OTOG: variants seen among roughly 807,000 people sequenced by gnomAD.
OTOG encodes the protein otogelin.
A neutral mutation model predicts 313.8 loss-of-function variants in OTOG; 296 were observed. That is an observed-to-expected ratio of 0.94 (90% CI 0.86 to 1.04). OTOG has a LOEUF of 1.04. OTOG is among the 50% of genes least tolerant of loss of function. The probability of loss-of-function intolerance (pLI) is 0.00; values close to 1 mark genes in which losing one functional copy is unlikely to be tolerated. For missense variants in OTOG, 3,948 were observed against 3,840.1 expected (o/e 1.03, Z -0.74); for synonymous variants, 1,533 against 1,554.9 (o/e 0.99, Z 0.33).
At chr11:17,614,257 C>T (rs1324057830) in intron 39 of OTOG, among the ~76,000 whole-genome samples, 1 of 141,326 alleles carries the variant, frequency 7.1e-6, no homozygotes, top group Non-Finnish European at 1.6e-5. Context: ...TGTGAGTCTG[C>T]CCCCAATTCC....
Position 17,601,839 on chromosome 11 carries a change from C to T in OTOG, c.3710-371C>T, listed in dbSNP as rs1590033742. Among the ~76,000 whole-genome samples, 4 of 152,310 alleles carry T rather than the reference C, an allele frequency of 2.6e-5. 1 individual carries two copies. The highest frequency in any genetic ancestry group is 2.1e-4 in the South Asian group (1 of 4,822). ...TGGGGTGGGCAGAAACCGGGTCTGA[C>T]GTCTTCTTCCAGAGGGGACCTTGAA... On this transcript the variant is annotated intron_variant, in intron 31 of 55. Transcript: ENST00000399397.
At chr11:17,626,829 C>G (rs895562921) in intron 39 of OTOG, among the ~76,000 whole-genome samples, 2 of 150,916 alleles carry the variant, frequency 1.3e-5, no homozygotes, top group Non-Finnish European at 3.0e-5. Flanking sequence ...AAAGCTCTTT[C>G]ACTTCTTTGG....
chr11:17,641,115 TG>T, intron 51 of OTOG, 24 bp downstream of exon 51: 3 of 65,716 alleles, frequency 4.6e-5, no homozygotes, highest in Non-Finnish European at 9.0e-5. Context: ...CAGGGCGGGG[TG>T]GGTGGGGTTG....
rs188592622 is a variant in OTOG, at chr11:17,563,457, C to A, written c.1644+1650C>A. Among the ~76,000 whole-genome samples the A allele has an allele frequency of 1.5e-4, 23 of 152,348 alleles. 1 individual carries two copies. In the East Asian group the frequency reaches 4.4e-3, roughly 29 times the overall value. On this transcript the variant is annotated intron_variant, in intron 15 of 55. Transcript: ENST00000399397. ...AGGCAGAGGACTGGTCTTTCTTCTC[C>A]TTTTGGCCTGAGTGTGCCCCTCCCT...
At chr11:17,591,945 C>T (rs535613219) in intron 25 of OTOG, among the ~76,000 whole-genome samples, 4 of 152,264 alleles carry the variant, frequency 2.6e-5, no homozygotes, top group South Asian at 2.1e-4. Context: ...AGCAGCTTTA[C>T]AAGGTAAAGT....
rs145043123 is a variant in OTOG, at chr11:17,586,528, G to C, written c.2814G>C (p.Trp938Cys). The C allele has an allele frequency of 4.1e-6, 6 of 1,454,432 alleles. No homozygotes were observed. The highest frequency in any genetic ancestry group is 2.7e-6 in the Non-Finnish European group (3 of 1,098,838). The allele number at this position is 1,454,432 out of a possible 1,614,324, so 90.1% of individuals were successfully genotyped here. ...TGCCAGAGGAGTGCCCCTGCACTTG[G>C]AAGGGGAAGGAGTATTTCCCTGGGG... is the stretch of plus-strand genomic sequence containing the variant. ...CFLPEECPCT[W>C]KGKEYFPGDQ... Residue 938 changes from tryptophan to cysteine, a missense_variant, in exon 24 of 56, where the codon TGG becomes TGC. By Grantham distance (215) the Trp-to-Cys change is radical. Coordinates refer to ENST00000399397, the MANE Select transcript of OTOG (RefSeq NM_001292063.2).
chr11:17,570,070 T>C (rs1221651531), intron 16 of OTOG, 143 bp from the exon 17 acceptor site: 5 of 720,388 alleles, frequency 6.9e-6, no homozygotes, highest in Non-Finnish European at 9.2e-6. Context: ...ACCAGCTTCA[T>C]GGCAGGCACG....
intron 8 of OTOG, 140 bp downstream of exon 8, chr11:17,557,463 C>T (rs575714016): frequency 2.6e-6 from 2 of 781,680 alleles, no homozygotes; most frequent in South Asian, 1.8e-5. Context: ...GGCCAAGGAC[C>T]CCTTCCTAAC....
intron 15 of OTOG, among the ~76,000 whole-genome samples, chr11:17,568,200 C>T (rs1852330627): frequency 1.3e-5 from 2 of 152,284 alleles, no homozygotes; most frequent in South Asian, 2.1e-4. Context: ...AGCCACCGCA[C>T]CCGGCCAGTA....
In OTOG at chr11:17,603,671, C is replaced by T. The variant is rs137990492; in HGVS notation, c.3877+1294C>T. On this transcript the variant is annotated intron_variant, in intron 32 of 55. Coordinates refer to ENST00000399397, the MANE Select transcript of OTOG (RefSeq NM_001292063.2). ...GGTCCTGGGCAGCCAAGGAAAGGTGCCTTCCAGGTGGGACCTAGGGTGGCT... is the reference window on the plus strand; with the variant it reads ...GGTCCTGGGCAGCCAAGGAAAGGTGTCTTCCAGGTGGGACCTAGGGTGGCT... Among the ~76,000 whole-genome samples the T allele has an allele frequency of 8.3e-3, 1,266 of 152,256 alleles. 15 individuals carry two copies. The highest frequency in any genetic ancestry group is 0.02 in the Middle Eastern group (6 of 294).
Position 17,610,790 on chromosome 11 carries a change from C to T in OTOG, c.5490C>T (p.Thr1830=), listed in dbSNP as rs1421290648. ...ATPGPKASVI[T]TPLQPQATTL... is the part of the protein sequence containing the mutation. Reference sequence around the variant, plus strand: ...CCGGCCCCAAAGCCTCTGTCATCACCACTCCACTCCAGCCACAGGCCACGA... The same window carrying T: ...CCGGCCCCAAAGCCTCTGTCATCACTACTCCACTCCAGCCACAGGCCACGA... Residue 1830 remains threonine (T), a synonymous_variant, in exon 36 of 56, where the codon ACC becomes ACT. Transcript: ENST00000399397. The T allele has an allele frequency of 2.6e-6, 4 of 1,550,114 alleles. No homozygotes were observed. In the African/African-American group the frequency reaches 5.5e-5, roughly 21 times the overall value.
rs377691989 is a variant in OTOG, at chr11:17,574,812, G to A, written c.2386G>A (p.Val796Ile). The A allele has an allele frequency of 6.4e-7, 1 of 1,550,436 alleles. No homozygotes were observed. The highest frequency in any genetic ancestry group is 8.7e-7 in the Non-Finnish European group (1 of 1,146,942). The part of the protein sequence containing the change: ...QDLASPEACG[V>I]DGGDDLSRDE... ...CCTGGCCAGCCCTGAGGCCTGTGGGGTTGATGGTGGCGATGACCTGAGCAG... is the reference window on the plus strand; with the variant it reads ...CCTGGCCAGCCCTGAGGCCTGTGGGATTGATGGTGGCGATGACCTGAGCAG... Residue 796 changes from valine to isoleucine, a missense_variant, in exon 20 of 56, where the codon GTT (valine) becomes ATT (isoleucine). Transcript: ENST00000399397.
At chr11:17,568,798 G>T (rs1420370623) in intron 15 of OTOG, among the ~76,000 whole-genome samples, 1 of 152,192 alleles carries the variant, frequency 6.6e-6, no homozygotes, top group East Asian at 1.9e-4. Flanking sequence ...CCCACAAAGG[G>T]ATGAAATTAA....
At position 17,610,025 on chromosome 11, in the gene OTOG, G is replaced by C; in HGVS notation, c.4725G>C (p.Gln1575His). ...CCTCATCCCTCCCTGTTGCACTGCA[G>C]ACACCCACACCTGGCATGGTGTCAG... is the stretch of plus-strand genomic sequence containing the variant. The part of the protein sequence containing the change: ...PESSSLPVAL[Q>H]TPTPGMVSGA... Residue 1575 changes from glutamine to histidine, a missense_variant, in exon 36 of 56, where the codon CAG (glutamine) becomes CAC (histidine). Transcript: ENST00000399397. The C allele has an allele frequency of 6.5e-7, 1 of 1,548,106 alleles. No homozygotes were observed. Among genetic ancestry groups the C allele is most frequent in the Non-Finnish European group, 8.7e-7 (1 of 1,145,188 alleles).
At chr11:17,607,005 T>A (rs1479944206) in intron 33 of OTOG, among the ~76,000 whole-genome samples, 3 of 152,238 alleles carry the variant, frequency 2.0e-5, no homozygotes, top group African/African-American at 7.2e-5. Context: ...GAGCCCAGGC[T>A]TTGAAGCTGG....
At chr11:17,594,650 G>A (rs1853045207) in intron 28 of OTOG, among the ~76,000 whole-genome samples, 1 of 152,216 alleles carries the variant, frequency 6.6e-6, no homozygotes, top group South Asian at 2.1e-4. Context: ...CACTAGCAGA[G>A]ATAGAAATGA....
chr11:17,591,444 T>A lies in OTOG; in HGVS notation c.2868-6T>A, dbSNP rs1852930145. On this transcript the variant is annotated splice_polypyrimidine_tract_variant and splice_region_variant and intron_variant, in intron 24 of 55. Transcript: ENST00000399397. ...CTGTGATCTGGTCTGGGCATGTGTT[T>A]TTCAGTGTGTGCCAGCGGGGCTCAT... 1 of 1,550,574 alleles carries A rather than the reference T, an allele frequency of 6.4e-7. No homozygotes were observed. Among genetic ancestry groups the A allele is most frequent in the South Asian group, 1.2e-5 (1 of 84,064 alleles).
chr11:17,624,826 T>C (rs189764828), intron 39 of OTOG, among the ~76,000 whole-genome samples: 7 of 152,324 alleles, frequency 4.6e-5, no homozygotes, highest in Admixed American at 4.6e-4. Context: ...TCATCTGTGA[T>C]TTATTTGAGC....
At chr11:17,599,835 T>C (rs1294666137) in intron 31 of OTOG, 138 bp downstream of exon 31, 8 of 1,012,010 alleles carry the variant, frequency 7.9e-6, no homozygotes, top group Non-Finnish European at 8.8e-6. Context: ...GCCCCCATCA[T>C]GCAGAGAGAG....
Sources: allele counts gnomAD v4.1 joint callset (sites outside exome capture counted in the v4.1 genomes callset), GRCh38; gene constraint gnomAD v4.1.1; transcripts MANE v1.5; gene names NCBI Gene and HGNC (gene_info 2026-07-23, HGNC 2026-07-21).